The following BCO1 variants were observed in gnomAD, a reference collection of about 807,000 sequenced individuals.
The protein encoded by BCO1 is beta-carotene oxygenase 1.
BCO1 carries 54 observed loss-of-function variants against 56.3 expected under a neutral mutation model. The observed-to-expected ratio is 0.96, with a 90% CI of 0.77 to 1.20. The LOEUF is 1.20. Ranked by LOEUF, BCO1 falls within the 50% of genes most tolerant of loss-of-function variation. The probability of loss-of-function intolerance (pLI) is 0.00; values close to 1 mark genes in which losing one functional copy is unlikely to be tolerated. For synonymous variants in BCO1, 318 were observed against 266.1 expected (o/e 1.20, Z -1.90); for missense variants, 801 against 690.9 (o/e 1.16, Z -1.79).
chr16:81,248,737 C>A (rs1299813347), intron 2 of BCO1, among the ~76,000 whole-genome samples: 1 of 152,128 alleles, frequency 6.6e-6, no homozygotes, highest in Non-Finnish European at 1.5e-5. Context: ...GGTGGCCGGG[C>A]GCGGTGGCTC....
At chr16:81,271,757 G>A (rs573534569) in intron 7 of BCO1, among the ~76,000 whole-genome samples, 3 of 151,876 alleles carry the variant, frequency 2.0e-5, no homozygotes, top group Non-Finnish European at 4.4e-5. Context: ...GTTTTTGCTT[G>A]TTTGTTTGTT....
In BCO1 at chr16:81,268,007, G is replaced by T. The variant is rs149344514; in HGVS notation, c.719G>T (p.Gly240Val). 1.3e-5 allele frequency: 21 copies of T among 1,613,854 alleles called. No homozygotes were observed. Among genetic ancestry groups the T allele is most frequent in the Non-Finnish European group, 1.7e-5 (20 of 1,180,010 alleles). The change falls in exon 6 of 11, where the codon GGA (glycine) becomes GTA (valine). Residue 240 changes from glycine (G) to valine (V), a missense_variant. By Grantham distance (109) the Gly-to-Val change is moderately radical. Transcript: ENST00000258168. ...LLSPSYYHSF[G>V]VTENYVIFLE... is the part of the protein sequence containing the mutation. The stretch of plus-strand genomic sequence containing the variant: ...TCCCCAAGCTACTACCACAGCTTTG[G>T]AGTCACCGAGAACTATGTCATCTTC...
intron 2 of BCO1, among the ~76,000 whole-genome samples, chr16:81,253,458 G>T (rs1905936371): frequency 6.6e-6 from 1 of 152,138 alleles, no homozygotes; most frequent in Non-Finnish European, 1.5e-5. Flanking sequence ...ATGAAGCCAG[G>T]ATTCATATCC....
At chr16:81,286,980 C>T (rs1908217818) in intron 9 of BCO1, among the ~76,000 whole-genome samples, 2 of 152,144 alleles carry the variant, frequency 1.3e-5, no homozygotes, top group African/African-American at 4.8e-5. Context: ...GAGGCTGAGG[C>T]AGGAGAATCA....
intron 2 of BCO1, among the ~76,000 whole-genome samples, chr16:81,257,846 C>G (rs1273961183): frequency 2.0e-5 from 3 of 149,242 alleles, no homozygotes; most frequent in Non-Finnish European, 4.4e-5. Flanking sequence ...CACCATTGCA[C>G]TCCAGCCTGG....
chr16:81,267,786 G>A (rs1409585518), intron 5 of BCO1, 122 bp from the exon 6 acceptor site: 59 of 806,462 alleles, frequency 7.3e-5, no homozygotes, highest in Middle Eastern at 3.4e-4. Context: ...CTGTCTACAC[G>A]TTGCTGTTTA....
chr16:81,283,743 T>C lies in BCO1; in HGVS notation c.1208-1797T>C, dbSNP rs182919164. 3.9e-5 allele frequency among the ~76,000 whole-genome samples: 6 copies of C among 152,248 alleles called. No individual in the cohort carries two copies. In the East Asian group the frequency reaches 1.2e-3, roughly 29 times the overall value. ...ACTGAGCCTAATCAGCATTTATCCATGGATGTATCTCTGCTTCCTCTTTTC... is the reference window on the plus strand; with the variant it reads ...ACTGAGCCTAATCAGCATTTATCCACGGATGTATCTCTGCTTCCTCTTTTC... On this transcript the variant is annotated intron_variant, in intron 8 of 10. Transcript: ENST00000258168.
intron 7 of BCO1, among the ~76,000 whole-genome samples, chr16:81,276,311 C>A (rs976540114): frequency 6.6e-6 from 1 of 152,156 alleles, no homozygotes; most frequent in Non-Finnish European, 1.5e-5. Context: ...TTCACAGGGC[C>A]AAGGCATTCT....
intron 5 of BCO1, among the ~76,000 whole-genome samples, chr16:81,266,001 C>A (rs982835018): frequency 6.6e-6 from 1 of 152,114 alleles, no homozygotes; most frequent in Non-Finnish European, 1.5e-5. Flanking sequence ...TGTCTACTAT[C>A]CACCGATTCA....
In BCO1 at chr16:81,245,849, CTTTTT is replaced by C. The variant is rs1176582576; in HGVS notation, c.193+268_193+272del. 5.2e-3 allele frequency among the ~76,000 whole-genome samples: 487 copies of C among 93,342 alleles called. 3 individuals carry two copies. Among genetic ancestry groups the C allele is most frequent in the African/African-American group, 0.016 (422 of 26,440 alleles). The allele number at this position is 93,342 out of a possible 152,430, so 61.2% of individuals were successfully genotyped here. On this transcript the variant is annotated intron_variant, in intron 2 of 10. Transcript: ENST00000258168. ...CCTTGACTTGTGGCTCCATCTCTGT[CTTTTT>C]TTTTTTTTTTTTTTTTTTTTTCTCT... is the stretch of plus-strand genomic sequence containing the variant.
intron 8 of BCO1, among the ~76,000 whole-genome samples, chr16:81,283,065 G>A (rs1417638472): frequency 6.6e-6 from 1 of 152,194 alleles, no homozygotes; most frequent in Non-Finnish European, 1.5e-5. Context: ...GACCCCAGCA[G>A]TCTCTTATCC....
At chr16:81,255,018 A>G (rs975364532) in intron 2 of BCO1, among the ~76,000 whole-genome samples, 3 of 152,070 alleles carry the variant, frequency 2.0e-5, no homozygotes, top group African/African-American at 7.2e-5. Context: ...CCTGGGCTCA[A>G]GCGATCCTCC....
At chr16:81,257,246 TTTG>T in intron 2 of BCO1, among the ~76,000 whole-genome samples, 1 of 152,048 alleles carries the variant, frequency 6.6e-6, no homozygotes, top group East Asian at 1.9e-4. Flanking sequence ...ATGTGGGTTT[TTTG>T]TTGTTGTTGC....
chr16:81,290,873 T>C lies in BCO1; in HGVS notation c.*296T>C. 1 of 323,058 alleles carries C rather than the reference T, an allele frequency of 3.1e-6. No individual in the cohort carries two copies. The highest frequency in any genetic ancestry group is 5.7e-6 in the Non-Finnish European group (1 of 175,386). 20.0% of individuals were successfully genotyped at this position (323,058 alleles called of 1,614,324 possible). A position where few individuals can be genotyped will look rare whatever the true frequency, so the allele number is the denominator to read the frequency against. On this transcript the variant is annotated 3_prime_UTR_variant, in exon 11 of 11. Transcript: ENST00000258168. ...GACCTTGACCATGAATCAGAGATTGTATTCAATGACATTATCATCATTTTT... is the reference window on the plus strand; with the variant it reads ...GACCTTGACCATGAATCAGAGATTGCATTCAATGACATTATCATCATTTTT...
intron 7 of BCO1, among the ~76,000 whole-genome samples, chr16:81,273,633 A>G (rs992880473): frequency 7.7e-6 from 1 of 130,130 alleles, no homozygotes; most frequent in Non-Finnish European, 1.6e-5. Context: ...TTAACATTTA[A>G]AAATCCTTTT....
intron 2 of BCO1, among the ~76,000 whole-genome samples, chr16:81,257,207 C>G (rs1474883312): frequency 6.6e-6 from 1 of 152,126 alleles, no homozygotes; most frequent in African/African-American, 2.4e-5. Context: ...AGGACCTCCT[C>G]TCACCCCTGC....
intron 2 of BCO1, among the ~76,000 whole-genome samples, chr16:81,254,042 T>G (rs1905973540): frequency 6.6e-6 from 1 of 152,166 alleles, no homozygotes; most frequent in Non-Finnish European, 1.5e-5. Context: ...AAAGGCTAGA[T>G]GATTGTCTCT....
At chr16:81,255,560 C>T (rs539209573) in intron 2 of BCO1, among the ~76,000 whole-genome samples, 4 of 151,242 alleles carry the variant, frequency 2.6e-5, no homozygotes, top group South Asian at 2.1e-4. Flanking sequence ...AGTGCAGTGG[C>T]GTGATCTCAG....
intron 2 of BCO1, among the ~76,000 whole-genome samples, chr16:81,258,563 T>C (rs1270736019): frequency 6.6e-6 from 1 of 152,226 alleles, no homozygotes; most frequent in East Asian, 1.9e-4. Context: ...TCTAGATTAG[T>C]CCTCCAGCTC....
Sources: gnomAD v4.1 joint callset for allele counts (sites outside exome capture counted in the v4.1 genomes callset) on GRCh38, gnomAD v4.1.1 for gene constraint, MANE v1.5 for transcripts, NCBI Gene and HGNC (gene_info 2026-07-23, HGNC 2026-07-21) for gene names.